UTY: variants seen among roughly 807,000 people sequenced by gnomAD.
UTY encodes ubiquitously transcribed tetratricopeptide repeat containing, Y-linked, also known as histone demethylase UTY.
UTY carries 12 observed loss-of-function variants against 32.5 expected under a neutral mutation model. The observed-to-expected ratio is 0.37, with a 90% CI of 0.24 to 0.60. UTY has a LOEUF of 0.60. Ranked by LOEUF, UTY falls within the 20% of genes least tolerant of loss-of-function variation. The pLI is 0.69. For synonymous variants in UTY, 131 were observed against 103.4 expected (o/e 1.27, Z -1.62); for missense variants, 303 against 299.2 (o/e 1.01, Z -0.09).
At chrY:13,387,941 G>C in intron 8 of UTY, among the ~76,000 whole-genome samples, 1 of 33,917 alleles carries the variant, frequency 2.9e-5, no homozygotes, top group African/African-American at 1.1e-4. Context: ...TTTCAAACTT[G>C]TTATATTTTT....
At chrY:13,241,991 C>T in intron 28 of UTY, among the ~76,000 whole-genome samples, 1 of 32,452 alleles carries the variant, frequency 3.1e-5, no homozygotes, top group African/African-American at 1.2e-4. Flanking sequence ...CTTGAACCTG[C>T]GAGGCGGAGG....
chrY:13,342,332 T>C, intron 17 of UTY, among the ~76,000 whole-genome samples: 2 of 33,650 alleles, frequency 5.9e-5, no homozygotes, highest in African/African-American at 2.3e-4. Flanking sequence ...TTACTACTGG[T>C]GTTAAAGCCC....
At chrY:13,408,348 T>C in intron 6 of UTY, among the ~76,000 whole-genome samples, 1 of 31,986 alleles carries the variant, frequency 3.1e-5, no homozygotes, top group African/African-American at 1.2e-4. Context: ...CATGGAAAAA[T>C]CCAACAGAGA....
intron 17 of UTY, among the ~76,000 whole-genome samples, chrY:13,352,991 T>C: frequency 2.9e-5 from 1 of 34,007 alleles, no homozygotes; most frequent in Non-Finnish European, 7.3e-5. Context: ...AGAAGTCATC[T>C]CCATAATATA....
chrY:13,446,617 GA>G (rs2075878870), intron 4 of UTY, among the ~76,000 whole-genome samples: 1 of 27,812 alleles, frequency 3.6e-5, no homozygotes, highest in Non-Finnish European at 8.5e-5. Flanking sequence ...TAGATAGATA[GA>G]TAGACAGACA....
chrY:13,399,839 A>G (rs2068736761), intron 6 of UTY, among the ~76,000 whole-genome samples: 2 of 33,468 alleles, frequency 6.0e-5, no homozygotes, highest in African/African-American at 2.3e-4. Context: ...TTCTACTTGA[A>G]AGGACAGGGT....
rs2148890847 is a variant in UTY, at chrY:13,317,554, G to A, written c.3276+6001C>T. Among the ~76,000 whole-genome samples the A allele has an allele frequency of 1.5e-4, 5 of 33,186 alleles. No homozygotes were observed. In the East Asian group the frequency reaches 3.2e-3, roughly 21 times the overall value. 89.0% of individuals were successfully genotyped at this position (33,186 alleles called of 37,273 possible). ...ACAGTGTGGAGATTAGAAGCAAGATGGTGTCAATTAGGCGAAATCTTTTTC... is the reference window on the plus strand; with the variant it reads ...ACAGTGTGGAGATTAGAAGCAAGATAGTGTCAATTAGGCGAAATCTTTTTC... On this transcript the variant is annotated intron_variant, in intron 21 of 29. Coordinates refer to ENST00000545955, the MANE Select transcript of UTY (RefSeq NM_001258249.2).
intron 8 of UTY, among the ~76,000 whole-genome samples, chrY:13,373,556 C>G: frequency 3.0e-5 from 1 of 33,010 alleles, no homozygotes. Flanking sequence ...AGTTTGAGGC[C>G]TGCGTGTGCC....
intron 27 of UTY, among the ~76,000 whole-genome samples, chrY:13,279,662 C>T (rs761483966): frequency 3.0e-5 from 1 of 33,499 alleles, no homozygotes; most frequent in Admixed American, 2.7e-4. Flanking sequence ...AATAACTCCT[C>T]AATGCCCAGA....
At chrY:13,408,212 T>C in intron 6 of UTY, among the ~76,000 whole-genome samples, 1 of 32,578 alleles carries the variant, frequency 3.1e-5, no homozygotes, top group African/African-American at 1.2e-4. Flanking sequence ...ATAAATCATA[T>C]ATTTATTGAG....
At chrY:13,368,943 C>A (rs754376592) in intron 9 of UTY, among the ~76,000 whole-genome samples, 5 of 32,937 alleles carry the variant, frequency 1.5e-4, no homozygotes, top group Non-Finnish European at 3.7e-4. Flanking sequence ...TCTATGCTAC[C>A]CACACAGTAG....
chrY:13,464,322 T>G, intron 3 of UTY, among the ~76,000 whole-genome samples: 1 of 33,633 alleles, frequency 3.0e-5, no homozygotes, highest in African/African-American at 1.2e-4. Context: ...AGCAATAAAT[T>G]CGACCCACTG....
At chrY:13,316,818 G>T (rs2059513136) in intron 21 of UTY, among the ~76,000 whole-genome samples, 3 of 31,845 alleles carry the variant, frequency 9.4e-5, no homozygotes, top group Non-Finnish European at 2.3e-4. Flanking sequence ...AAGATGGCGC[G>T]GTAGAGGAAG....
At chrY:13,442,811 C>A (rs2075321428) in intron 4 of UTY, among the ~76,000 whole-genome samples, 4 of 33,465 alleles carry the variant, frequency 1.2e-4, no homozygotes, top group African/African-American at 4.7e-4. Context: ...AGGTAGGTGG[C>A]TGGTTAGTCA....
intron 5 of UTY, among the ~76,000 whole-genome samples, chrY:13,412,014 CT>C: frequency 3.0e-5 from 1 of 33,477 alleles, no homozygotes; most frequent in South Asian, 6.7e-4. Flanking sequence ...ATCAATCCAC[CT>C]TTGTTCAAAT....
rs780627492 is a variant in UTY at position 13,479,697 on chromosome Y, T to C, written c.-32A>G. On this transcript the variant is annotated 5_prime_UTR_variant, in exon 1 of 30. Coordinates refer to ENST00000545955, the MANE Select transcript of UTY (RefSeq NM_001258249.2). ...AACAAATTTCCAAGTCCCACGACGATACCCAACCTTAATCGAGTAGTTGAA... is the reference window on the plus strand; with the variant it reads ...AACAAATTTCCAAGTCCCACGACGACACCCAACCTTAATCGAGTAGTTGAA... The C allele has an allele frequency of 7.8e-6, 3 of 383,910 alleles. No homozygotes were observed. The highest frequency in any genetic ancestry group is 3.2e-5 in the South Asian group (1 of 31,714).
chrY:13,443,030 AC>A (rs2075350778), intron 4 of UTY, among the ~76,000 whole-genome samples: 1 of 33,666 alleles, frequency 3.0e-5, no homozygotes, highest in African/African-American at 1.2e-4. Flanking sequence ...ACTCTGTCCT[AC>A]CATCCTAGCT....
chrY:13,439,095 T>C (rs2074958228), intron 4 of UTY, among the ~76,000 whole-genome samples: 1 of 32,674 alleles, frequency 3.1e-5, no homozygotes, highest in African/African-American at 1.2e-4. Context: ...CCATTATACA[T>C]TGCAAAGGTC....
intron 8 of UTY, among the ~76,000 whole-genome samples, chrY:13,379,263 T>C (rs2065729541): frequency 3.0e-5 from 1 of 33,427 alleles, no homozygotes; most frequent in African/African-American, 1.2e-4. Flanking sequence ...ACTGACATCT[T>C]AAAATATTTA....
Sources: gnomAD v4.1 joint callset for allele counts (sites outside exome capture counted in the v4.1 genomes callset) on GRCh38, gnomAD v4.1.1 for gene constraint, MANE v1.5 for transcripts, NCBI Gene and HGNC (gene_info 2026-07-23, HGNC 2026-07-21) for gene names.